Variants in LMO7 observed in about 807,000 individuals in gnomAD.
The protein encoded by LMO7 is LIM domain 7.
In LMO7, 120 loss-of-function variants were observed where a neutral mutation model predicts 206.5. That is an observed-to-expected ratio of 0.58 (90% CI 0.50 to 0.68). The LOEUF (loss-of-function observed/expected upper bound fraction) is 0.68, where lower values mean the gene tolerates loss of function less well. LMO7 is among the 30% of genes least tolerant of loss of function. The pLI is 0.00. For missense variants in LMO7, 1,959 were observed against 1,957.9 expected (o/e 1.00, Z -0.01); for synonymous variants, 706 against 681.5 (o/e 1.04, Z -0.56).
chr13:75,835,398 G>A, intron 18 of LMO7, 59 bp downstream of exon 18: 6 of 1,050,144 alleles, frequency 5.7e-6, no homozygotes, highest in Non-Finnish European at 8.1e-6. Flanking sequence ...TTAGAATTGT[G>A]TATGGAAGAA....
intron 1 of LMO7, among the ~76,000 whole-genome samples, chr13:75,679,668 C>T (rs975176405): frequency 6.6e-6 from 1 of 152,152 alleles, no homozygotes; most frequent in Non-Finnish European, 1.5e-5. Context: ...GCAGCCTTGA[C>T]CTCCTGGACT....
chr13:75,843,154 C>G (rs140620341), intron 25 of LMO7, among the ~76,000 whole-genome samples: 60 of 152,308 alleles, frequency 3.9e-4, no homozygotes, highest in African/African-American at 1.3e-3. Flanking sequence ...CCTTGGGCAG[C>G]CTTTTAGTTG....
At chr13:75,645,917 G>A (rs1451684859) in intron 1 of LMO7, among the ~76,000 whole-genome samples, 1 of 152,112 alleles carries the variant, frequency 6.6e-6, no homozygotes, top group Non-Finnish European at 1.5e-5. Flanking sequence ...ATGTTATCAA[G>A]TTCATATATC....
chr13:75,856,134 C>T (rs1233851389), intron 29 of LMO7, among the ~76,000 whole-genome samples: 1 of 152,178 alleles, frequency 6.6e-6, no homozygotes, highest in African/African-American at 2.4e-5. Context: ...GCGGCCCACC[C>T]CAGGGTGGAG....
rs1395663884 is a variant in LMO7, at chr13:75,855,316, C to G, written c.4718C>G (p.Ala1573Gly). 6.2e-7 allele frequency: 1 copy of G among 1,613,812 alleles called. No individual in the cohort carries two copies. The highest frequency in any genetic ancestry group is 1.3e-5 in the African/African-American group (1 of 74,928). ...TGCAATAACATTCTGGGCAAAGGAGCCGCCATGATCATCGAGTCCCTGGGT... is the reference window on the plus strand; with the variant it reads ...TGCAATAACATTCTGGGCAAAGGAGGCGCCATGATCATCGAGTCCCTGGGT... ...SYCNNILGKG[A>G]AMIIESLGLC... is the part of the protein sequence containing the mutation. The change falls in exon 29 of 31, where the codon GCC (alanine) becomes GGC (glycine). Residue 1573 changes from alanine (A) to glycine (G), a missense_variant. Physicochemically the swap from Ala to Gly is moderately conservative, Grantham distance 60. Transcript: ENST00000377534.
At chr13:75,728,003 A>T (rs960440101) in intron 3 of LMO7, among the ~76,000 whole-genome samples, 2 of 151,824 alleles carry the variant, frequency 1.3e-5, no homozygotes, top group East Asian at 3.9e-4. Flanking sequence ...TATGTGCCAC[A>T]TTTTCTTAAT....
At chr13:75,622,539 G>A (rs1163786945) in intron 1 of LMO7, among the ~76,000 whole-genome samples, 1 of 152,182 alleles carries the variant, frequency 6.6e-6, no homozygotes, top group African/African-American at 2.4e-5. Flanking sequence ...TAATTAAAAT[G>A]TTTCTACTCT....
intron 2 of LMO7, among the ~76,000 whole-genome samples, chr13:75,628,987 T>C (rs1245928481): frequency 7.2e-5 from 11 of 152,246 alleles, no homozygotes; most frequent in Non-Finnish European, 1.5e-4. Flanking sequence ...CCACAGGGGC[T>C]GATTTGCCCC....
intron 3 of LMO7, among the ~76,000 whole-genome samples, chr13:75,737,777 T>TAAAAAAAAAAA (rs1391839155): frequency 4.4e-5 from 1 of 22,702 alleles, no homozygotes; most frequent in African/African-American, 2.2e-4. Context: ...TAAAATAAAA[T>TAAAAAAAAAAA]AAAATAAAAA....
chr13:75,681,718 G>GTGTATATATATATATATA (rs1270207162), intron 1 of LMO7, among the ~76,000 whole-genome samples: 1 of 104,564 alleles, frequency 9.6e-6, no homozygotes, highest in African/African-American at 3.4e-5. Context: ...ATATATATAT[G>GTGTATATATATATATATA]TATATATATA....
intron 29 of LMO7, 42 bp downstream of exon 29, chr13:75,855,410 C>A: frequency 7.4e-7 from 1 of 1,357,916 alleles, no homozygotes; most frequent in Non-Finnish European, 1.0e-6. Flanking sequence ...CAAAGCTTTG[C>A]TTGGAGAGCG....
intron 4 of LMO7, among the ~76,000 whole-genome samples, chr13:75,774,117 T>C (rs1372172778): frequency 1.3e-5 from 2 of 152,140 alleles, no homozygotes; most frequent in African/African-American, 4.8e-5. Flanking sequence ...TATAACAAAA[T>C]TTATTCTATT....
rs773226211 is a variant in LMO7 at position 75,800,862 on chromosome 13, C to T, written c.641C>T (p.Thr214Met). 42 of 1,613,640 alleles carry T rather than the reference C, an allele frequency of 2.6e-5. No homozygotes were observed. In the East Asian group the frequency reaches 3.3e-4, roughly 13 times the overall value. ...TTGACAAGCTGCTCCTCTGATATCA[C>T]GTTGAGAGGGGGGCGTGAAGGTGTG... The part of the protein sequence containing the change: ...RSLTSCSSDI[T>M]LRGGREGFES... The change falls in exon 7 of 31, where the codon ACG (threonine) becomes ATG (methionine). Residue 214 changes from threonine (T) to methionine (M), a missense_variant. Transcript: ENST00000377534.
In LMO7 at chr13:75,796,750, G is replaced by A. The variant is rs753787844; in HGVS notation, c.462+1G>A. The A allele has an allele frequency of 6.5e-7, 1 of 1,539,100 alleles. No individual in the cohort carries two copies. Among genetic ancestry groups the A allele is most frequent in the South Asian group, 1.1e-5 (1 of 89,554 alleles). On this transcript the variant is annotated splice_donor_variant, in intron 6 of 30. Transcript: ENST00000377534. LOFTEE classifies it high-confidence loss of function. ...TCTTTTAGGACAAGCACTGACGAAGGTAAGTAAACTACATCTGTGTGAGAT... is the reference window on the plus strand; with the variant it reads ...TCTTTTAGGACAAGCACTGACGAAGATAAGTAAACTACATCTGTGTGAGAT...
chr13:75,793,884 C>G (rs1291851984), intron 4 of LMO7, among the ~76,000 whole-genome samples: 1 of 151,782 alleles, frequency 6.6e-6, no homozygotes, highest in South Asian at 2.1e-4. Flanking sequence ...TTTATTCAGC[C>G]TGTCTTTGTA....
At chr13:75,856,835 A>G (rs1327483714) in intron 30 of LMO7, 1 of 416,982 alleles carries the variant, frequency 2.4e-6, no homozygotes, top group Admixed American at 3.9e-5. Context: ...ATGGAGAGGA[A>G]CAGTGTCCAA....
At chr13:75,752,479 T>C (rs1274337555) in intron 3 of LMO7, among the ~76,000 whole-genome samples, 2 of 152,150 alleles carry the variant, frequency 1.3e-5, no homozygotes, top group Admixed American at 1.3e-4. Context: ...AAGTACAATT[T>C]TCCTACCTTA....
rs192693385 is a variant in LMO7, at chr13:75,820,260, A to T, written c.2207+725A>T. ...TTGGGAGGTAGGTATTCCTTTCTAG[A>T]TGTGAGAGATGAGGGTGTTTTATGA... On this transcript the variant is annotated intron_variant, in intron 13 of 30. Coordinates refer to ENST00000377534, the MANE Select transcript of LMO7 (RefSeq NM_001306080.2). Among the ~76,000 whole-genome samples, 10 of 152,318 alleles carry T rather than the reference A, an allele frequency of 6.6e-5. No homozygotes were observed. The East Asian group carries it at 1.9e-3, about 29-fold the overall frequency.
intron 3 of LMO7, among the ~76,000 whole-genome samples, chr13:75,738,037 A>G (rs1354219258): frequency 6.6e-6 from 1 of 151,780 alleles, no homozygotes; most frequent in African/African-American, 2.4e-5. Context: ...TTCCATAAGA[A>G]GACAGTCGTC....
Sources: gnomAD v4.1 joint callset for allele counts (sites outside exome capture counted in the v4.1 genomes callset) on GRCh38, gnomAD v4.1.1 for gene constraint, MANE v1.5 for transcripts, NCBI Gene and HGNC (gene_info 2026-07-23, HGNC 2026-07-21) for gene names.